JAK2: variants seen among roughly 807,000 people sequenced by gnomAD.
The protein encoded by JAK2 is tyrosine-protein kinase JAK2.
Under a neutral mutation model 139.3 loss-of-function variants are expected in JAK2, and 86 were observed. The ratio of observed to expected loss-of-function variants is 0.62; its 90% CI spans 0.52 to 0.74. The LOEUF is 0.74. JAK2 is among the 30% of genes least tolerant of loss of function. The probability of loss-of-function intolerance (pLI) is 0.00; values close to 1 mark genes in which losing one functional copy is unlikely to be tolerated. For synonymous variants in JAK2, 490 were observed against 437.7 expected, an observed-to-expected ratio of 1.12 and a Z score of -1.49; for missense variants, 1,421 against 1,360.3, an observed-to-expected ratio of 1.04 and a Z score of -0.70.
chr9:5,053,910 G>A (rs1000693180), intron 6 of JAK2, among the ~76,000 whole-genome samples: 1 of 151,856 alleles, frequency 6.6e-6, no homozygotes, highest in African/African-American at 2.4e-5. Flanking sequence ...ATTACGGCAT[G>A]GAAAATTATT....
At chr9:5,010,925 G>A (rs1436343204) in intron 2 of JAK2, among the ~76,000 whole-genome samples, 1 of 152,150 alleles carries the variant, frequency 6.6e-6, no homozygotes, top group East Asian at 1.9e-4. Flanking sequence ...ATTCTGGGTT[G>A]ACAGCTTTCC....
chr9:5,110,956 G>C, intron 22 of JAK2: 2 of 596,596 alleles, frequency 3.4e-6, no homozygotes. Context: ...CACGGACAAG[G>C]AGCTCAGTAA....
At chr9:5,093,054 C>G (rs999446905) in intron 22 of JAK2, among the ~76,000 whole-genome samples, 1 of 152,152 alleles carries the variant, frequency 6.6e-6, no homozygotes, top group Non-Finnish European at 1.5e-5. Context: ...TAACATTACA[C>G]TGGTCTAATC....
intron 22 of JAK2, among the ~76,000 whole-genome samples, chr9:5,104,135 C>T (rs570087269): frequency 2.0e-5 from 3 of 151,714 alleles, no homozygotes; most frequent in South Asian, 2.1e-4. Flanking sequence ...GCTGGTTTTT[C>T]AAAAAGATCA....
At chr9:5,111,765 G>T (rs1822575533) in intron 22 of JAK2, 2 of 421,454 alleles carry the variant, frequency 4.7e-6, no homozygotes, top group Non-Finnish European at 9.3e-6. Context: ...GTGAACGGTG[G>T]GCTTCCGGCT....
intron 14 of JAK2, among the ~76,000 whole-genome samples, chr9:5,075,372 G>A (rs142211468): frequency 7.4e-4 from 113 of 152,310 alleles, no homozygotes; most frequent in African/African-American, 2.6e-3. Flanking sequence ...GGAGAAGTCA[G>A]TGCTTGCCTT....
In JAK2 at chr9:5,120,096, G is replaced by A. The variant is rs370920676; in HGVS notation, c.3060-2908G>A. On this transcript the variant is annotated intron_variant, in intron 22 of 24. Coordinates refer to ENST00000381652, the MANE Select transcript of JAK2 (RefSeq NM_004972.4). Reference sequence around the variant, plus strand: ...TTAGGAGTCCATGAAAAAAGTGCTGGCAGGTTCAGGCGTCTGGTGAGAGCT... The same window carrying A: ...TTAGGAGTCCATGAAAAAAGTGCTGACAGGTTCAGGCGTCTGGTGAGAGCT... 4.6e-5 allele frequency among the ~76,000 whole-genome samples: 7 copies of A among 152,282 alleles called. No individual in the cohort carries two copies. The East Asian group carries it at 1.4e-3, about 29-fold the overall frequency.
At position 5,044,393 on chromosome 9, in the gene JAK2, T is replaced by C. The variant is rs750963233; in HGVS notation, c.351-10T>C. The C allele has an allele frequency of 1.9e-6, 3 of 1,566,558 alleles. No homozygotes were observed. The South Asian group carries it at 3.3e-5, about 17-fold the overall frequency. ...TTGGAAGCTGACCAAATGTTTTTATTATCTTGTAGATTTTACTTTCCTCGT... is the reference window on the plus strand; with the variant it reads ...TTGGAAGCTGACCAAATGTTTTTATCATCTTGTAGATTTTACTTTCCTCGT... On this transcript the variant is annotated splice_polypyrimidine_tract_variant and intron_variant, in intron 4 of 24. Transcript: ENST00000381652.
intron 22 of JAK2, among the ~76,000 whole-genome samples, chr9:5,103,398 C>T (rs1344765886): frequency 2.0e-5 from 3 of 151,894 alleles, no homozygotes; most frequent in African/African-American, 7.3e-5. Context: ...GTACCCAATA[C>T]AGCAGCACCA....
At chr9:5,020,797 A>G (rs1423201864) in intron 2 of JAK2, among the ~76,000 whole-genome samples, 1 of 152,044 alleles carries the variant, frequency 6.6e-6, no homozygotes, top group Non-Finnish European at 1.5e-5. Context: ...GCAGCCAGCA[A>G]TGGAGGTGAC....
At chr9:5,007,837 C>T (rs1563922117) in intron 2 of JAK2, among the ~76,000 whole-genome samples, 1 of 151,914 alleles carries the variant, frequency 6.6e-6, no homozygotes, top group Non-Finnish European at 1.5e-5. Flanking sequence ...AAGCAATTCT[C>T]CTATCTCAGC....
chr9:5,086,498 T>A (rs942533491), intron 19 of JAK2, among the ~76,000 whole-genome samples: 3 of 152,240 alleles, frequency 2.0e-5, no homozygotes, highest in Non-Finnish European at 4.4e-5. Flanking sequence ...CATCATTAGC[T>A]AACATCTTGG....
At chr9:5,107,101 T>C (rs1447784428) in intron 22 of JAK2, among the ~76,000 whole-genome samples, 6 of 152,184 alleles carry the variant, frequency 3.9e-5, no homozygotes, top group African/African-American at 1.4e-4. Flanking sequence ...ATGTTGACAC[T>C]TTGTAGATGT....
chr9:5,051,259 A>C (rs1817395126), intron 6 of JAK2, among the ~76,000 whole-genome samples: 1 of 152,218 alleles, frequency 6.6e-6, no homozygotes, highest in African/African-American at 2.4e-5. Flanking sequence ...TAGGTATTAA[A>C]TATCTATTAT....
At chr9:5,001,625 ATTT>A (rs201169908) in intron 2 of JAK2, among the ~76,000 whole-genome samples, 1 of 143,356 alleles carries the variant, frequency 7.0e-6, no homozygotes. Flanking sequence ...TTTGCCTGTA[ATTT>A]TTTTTTTTTT....
At chr9:5,023,742 A>G (rs1822589060) in intron 3 of JAK2, among the ~76,000 whole-genome samples, 1 of 152,124 alleles carries the variant, frequency 6.6e-6, no homozygotes, top group South Asian at 2.1e-4. Context: ...AAGTGTGATT[A>G]TATACTCATG....
In JAK2 at chr9:5,057,619, G is replaced by A. The variant is rs188720497; in HGVS notation, c.1056+1831G>A. Among the ~76,000 whole-genome samples, 513 of 123,140 alleles carry A rather than the reference G, an allele frequency of 4.2e-3. 2 individuals carry two copies. The highest frequency in any genetic ancestry group is 6.6e-3 in the Non-Finnish European group (418 of 63,138). The allele number at this position is 123,140 out of a possible 152,430, so 80.8% of individuals were successfully genotyped here. ...TTTTTTTTGAGATGAGTCTTGCCCT[G>A]TCATCCAGGCTGGAGCACAATGGCG... On this transcript the variant is annotated intron_variant, in intron 8 of 24. Coordinates refer to ENST00000381652, the MANE Select transcript of JAK2 (RefSeq NM_004972.4).
chr9:5,015,946 A>G lies in JAK2; in HGVS notation c.-25-6017A>G, dbSNP rs139910539. Among the ~76,000 whole-genome samples, 10 of 152,322 alleles carry G rather than the reference A, an allele frequency of 6.6e-5. No individual in the cohort carries two copies. In the East Asian group the frequency reaches 1.9e-3, roughly 29 times the overall value. The stretch of plus-strand genomic sequence containing the variant: ...AATAGATCAAGCTGTACATATATAT[A>G]GATTATAAGTGCAAAATACTGAGTG... On this transcript the variant is annotated intron_variant, in intron 2 of 24. Coordinates refer to ENST00000381652, the MANE Select transcript of JAK2 (RefSeq NM_004972.4).
At chr9:5,051,505 C>G (rs897834247) in intron 6 of JAK2, among the ~76,000 whole-genome samples, 2 of 152,048 alleles carry the variant, frequency 1.3e-5, no homozygotes, top group African/African-American at 4.8e-5. Context: ...TGAGTTGAAG[C>G]CCACAAATAT....
Sources: gnomAD v4.1 joint callset for allele counts (sites outside exome capture counted in the v4.1 genomes callset) on GRCh38, gnomAD v4.1.1 for gene constraint, MANE v1.5 for transcripts, NCBI Gene and HGNC (gene_info 2026-07-23, HGNC 2026-07-21) for gene names.